The following ANK2 variants were observed in gnomAD, a reference collection of about 807,000 sequenced individuals.
The protein encoded by ANK2 is ankyrin-2.
Under a neutral mutation model 360.5 loss-of-function variants are expected in ANK2, and 83 were observed. The ratio of observed to expected loss-of-function variants is 0.23; its 90% CI spans 0.19 to 0.28. The LOEUF (loss-of-function observed/expected upper bound fraction) is 0.28, where lower values mean the gene tolerates loss of function less well. Ranked by LOEUF, ANK2 falls within the 10% of genes least tolerant of loss-of-function variation. The pLI is 1.00. For missense variants in ANK2, 4,201 were observed against 4,795.7 expected, an observed-to-expected ratio of 0.88 and a Z score of 3.66; for synonymous variants, 1,740 against 1,759.5, an observed-to-expected ratio of 0.99 and a Z score of 0.28.
intron 1 of ANK2, among the ~76,000 whole-genome samples, chr4:113,053,089 T>C (rs1315584333): frequency 1.3e-5 from 2 of 152,138 alleles, no homozygotes; most frequent in East Asian, 1.9e-4. Context: ...AGTGGTGTTG[T>C]TTTGGTTTTA....
the ANK2 span, among the ~76,000 whole-genome samples, chr4:112,804,619 CAT>C: frequency 6.6e-6 from 1 of 152,096 alleles, no homozygotes; most frequent in African/African-American, 2.4e-5. Context: ...TAAATTGTAA[CAT>C]GTGAGGTGGG....
chr4:112,833,161 C>A (rs1207992745), intron 1 of ANK2, among the ~76,000 whole-genome samples: 1 of 152,182 alleles, frequency 6.6e-6, no homozygotes, highest in Admixed American at 6.5e-5. Context: ...CTTAGAAGTT[C>A]TACTGAAGAA....
chr4:112,906,374 G>A lies in ANK2; in HGVS notation c.21+1860G>A, dbSNP rs2085218277. On this transcript the variant is annotated intron_variant, in intron 2 of 30. Transcript: ENST00000503271. Reference sequence around the variant, plus strand: ...AATAAGAGATAAGGGGATAGAGTTAGCAAAAAAGATAGCTTTTTGAAAATT... The same window carrying A: ...AATAAGAGATAAGGGGATAGAGTTAACAAAAAAGATAGCTTTTTGAAAATT... 5.9e-5 allele frequency among the ~76,000 whole-genome samples: 9 copies of A among 152,170 alleles called. 2 individuals are homozygous for A. Among genetic ancestry groups the A allele is most frequent in the Admixed American group, 5.9e-4 (9 of 15,276 alleles).
intron 1 of ANK2, among the ~76,000 whole-genome samples, chr4:112,869,723 C>A (rs1229002040): frequency 6.6e-6 from 1 of 152,200 alleles, no homozygotes; most frequent in Non-Finnish European, 1.5e-5. Flanking sequence ...CAGTCTATCA[C>A]ACAGGCAAGA....
chr4:113,004,465 T>C (rs2052021507), intron 2 of ANK2, among the ~76,000 whole-genome samples: 1 of 152,108 alleles, frequency 6.6e-6, no homozygotes, highest in African/African-American at 2.4e-5. Flanking sequence ...ATCATCAGCA[T>C]AGCTGCCTTC....
At chr4:112,957,658 T>C (rs2030441476) in intron 2 of ANK2, among the ~76,000 whole-genome samples, 1 of 144,782 alleles carries the variant, frequency 6.9e-6, no homozygotes, top group African/African-American at 2.6e-5. Context: ...CCCCCCCACC[T>C]CCCTCCCGGA....
intron 1 of ANK2, among the ~76,000 whole-genome samples, chr4:112,896,760 T>C (rs1275899719): frequency 6.6e-6 from 1 of 152,176 alleles, no homozygotes; most frequent in African/African-American, 2.4e-5. Context: ...ATTTCTGCTG[T>C]CACCAACCTG....
chr4:113,271,188 C>A (rs939310936), intron 14 of ANK2, among the ~76,000 whole-genome samples: 3 of 152,260 alleles, frequency 2.0e-5, no homozygotes, highest in African/African-American at 7.2e-5. Flanking sequence ...CCCATCCGAA[C>A]AAACCACTGG....
chr4:112,989,302 A>T (rs7665021), intron 2 of ANK2, among the ~76,000 whole-genome samples: 37,436 of 151,902 alleles, frequency 0.25, 4,760 homozygotes, highest in South Asian at 0.38. Context: ...CAGAAACTCA[A>T]CTGATAACTT....
chr4:112,796,489 A>G, the ANK2 span, among the ~76,000 whole-genome samples: 6 of 145,510 alleles, frequency 4.1e-5, no homozygotes, highest in South Asian at 1.3e-3. Flanking sequence ...CATACATATC[A>G]TAAAACTTAC....
At chr4:113,246,256 T>G (rs541200347) in intron 9 of ANK2, among the ~76,000 whole-genome samples, 17 of 152,300 alleles carry the variant, frequency 1.1e-4, no homozygotes, top group African/African-American at 4.1e-4. Flanking sequence ...ATTCATAAGG[T>G]TTTTATTATC....
At chr4:113,016,844 A>T (rs7697164) in intron 2 of ANK2, among the ~76,000 whole-genome samples, 1 of 151,988 alleles carries the variant, frequency 6.6e-6, no homozygotes, top group Non-Finnish European at 1.5e-5. Flanking sequence ...CTGCCATTAT[A>T]CCCTGCCCTC....
At chr4:113,293,864 G>A (rs910186514) in intron 22 of ANK2, among the ~76,000 whole-genome samples, 7 of 151,884 alleles carry the variant, frequency 4.6e-5, no homozygotes, top group East Asian at 1.9e-4. Context: ...GACACCTACC[G>A]CTGGCAAAGC....
At chr4:112,862,836 G>A (rs762217775) in intron 1 of ANK2, among the ~76,000 whole-genome samples, 1 of 151,946 alleles carries the variant, frequency 6.6e-6, no homozygotes, top group Non-Finnish European at 1.5e-5. Context: ...GCGAGATGGA[G>A]TGCAGGAGTT....
chr4:113,237,510 A>G, intron 6 of ANK2, 89 bp from the exon 7 acceptor site: 1 of 1,298,488 alleles, frequency 7.7e-7, no homozygotes, highest in Non-Finnish European at 1.1e-6. Flanking sequence ...TTGGAACAGT[A>G]TACCCAATTG....
rs1418486635 is a variant in ANK2 at position 113,336,788 on chromosome 4, C to G, written c.3796+7C>G. 6.2e-7 allele frequency: 1 copy of G among 1,613,138 alleles called. No individual in the cohort carries two copies. ...TTACTATGCAGCATAACAGGTGAGT[C>G]ACATATGACTGTGTTCGTAGAGAGT... On this transcript the variant is annotated splice_region_variant and intron_variant, in intron 31 of 45. Transcript: ENST00000357077.
intron 1 of ANK2, among the ~76,000 whole-genome samples, chr4:112,830,995 C>A (rs972261658): frequency 6.6e-6 from 1 of 152,216 alleles, no homozygotes; most frequent in Non-Finnish European, 1.5e-5. Flanking sequence ...GCACTGCTGG[C>A]CCACCTGTGC....
At chr4:112,989,635 C>G (rs1184343019) in intron 2 of ANK2, among the ~76,000 whole-genome samples, 1 of 152,182 alleles carries the variant, frequency 6.6e-6, no homozygotes, top group Non-Finnish European at 1.5e-5. Context: ...AGAAAATATC[C>G]TGCAGCCTCA....
At chr4:113,252,417 A>C (rs183695048) in intron 10 of ANK2, among the ~76,000 whole-genome samples, 1 of 152,106 alleles carries the variant, frequency 6.6e-6, no homozygotes, top group South Asian at 2.1e-4. Context: ...TGAAGCAACT[A>C]TCTAAGTGTC....
Sources: allele counts gnomAD v4.1 joint callset (sites outside exome capture counted in the v4.1 genomes callset), GRCh38; gene constraint gnomAD v4.1.1; transcripts MANE v1.5; gene names NCBI Gene and HGNC (gene_info 2026-07-23, HGNC 2026-07-21).